Variants in CCDC7 observed in about 807,000 individuals in gnomAD.
CCDC7 encodes coiled-coil domain-containing protein 7.
CCDC7 carries 183 observed loss-of-function variants against 196.9 expected under a neutral mutation model. That is an observed-to-expected ratio of 0.93 (90% CI 0.82 to 1.05). The LOEUF is 1.05. Ranked by LOEUF, CCDC7 falls within the 50% of genes least tolerant of loss-of-function variation. The probability of loss-of-function intolerance (pLI) is 0.00; values close to 1 mark genes in which losing one functional copy is unlikely to be tolerated. For synonymous variants in CCDC7, 525 were observed against 484.6 expected (o/e 1.08, Z -1.10); for missense variants, 1,540 against 1,482.2 (o/e 1.04, Z -0.64).
chr10:32,590,551 T>G (rs2059690321), intron 18 of CCDC7, among the ~76,000 whole-genome samples: 1 of 152,146 alleles, frequency 6.6e-6, no homozygotes, highest in African/African-American at 2.4e-5. Flanking sequence ...CTATTCTCTG[T>G]TTTTCTATCT....
intron 18 of CCDC7, among the ~76,000 whole-genome samples, chr10:32,624,982 A>G (rs2063813146): frequency 8.9e-6 from 1 of 112,750 alleles, no homozygotes; most frequent in Non-Finnish European, 1.9e-5. Flanking sequence ...TGCTTTGCAC[A>G]AGTTTTTTTT....
chr10:32,484,717 A>G (rs1246130542), intron 8 of CCDC7, among the ~76,000 whole-genome samples: 1 of 152,110 alleles, frequency 6.6e-6, no homozygotes, highest in East Asian at 1.9e-4. Flanking sequence ...AGCGCTGTTG[A>G]ATTTTGTCAA....
intron 8 of CCDC7, among the ~76,000 whole-genome samples, chr10:32,483,267 T>C (rs1186040172): frequency 6.6e-6 from 1 of 152,392 alleles, no homozygotes; most frequent in South Asian, 2.1e-4. Flanking sequence ...GAGCATTTTT[T>C]CATGTGTCTT....
At chr10:32,593,783 G>C (rs539724141) in intron 18 of CCDC7, among the ~76,000 whole-genome samples, 16 of 152,110 alleles carry the variant, frequency 1.1e-4, no homozygotes, top group South Asian at 2.1e-4. Flanking sequence ...CCAGTTTTCC[G>C]AGCACCATTT....
intron 21 of CCDC7, among the ~76,000 whole-genome samples, chr10:32,672,084 G>T (rs926326275): frequency 1.3e-5 from 2 of 152,160 alleles, no homozygotes; most frequent in Non-Finnish European, 2.9e-5. Flanking sequence ...AGTGGCTGCA[G>T]AACTGAGATG....
At chr10:32,874,795 C>A (rs539041848) in intron 41 of CCDC7, among the ~76,000 whole-genome samples, 16 of 150,798 alleles carry the variant, frequency 1.1e-4, no homozygotes, top group Admixed American at 1.0e-3. Context: ...TATATACACA[C>A]ATATATATAC....
intron 39 of CCDC7, among the ~76,000 whole-genome samples, chr10:32,849,258 G>T (rs924337326): frequency 6.6e-6 from 1 of 151,792 alleles, no homozygotes; most frequent in South Asian, 2.1e-4. Context: ...TAACCACTTA[G>T]GTAACTGATG....
At chr10:32,706,033 A>G (rs2079680675) in intron 24 of CCDC7, among the ~76,000 whole-genome samples, 2 of 152,250 alleles carry the variant, frequency 1.3e-5, no homozygotes, top group East Asian at 1.9e-4. Flanking sequence ...TCAGCACCAC[A>G]TCGCACTTAT....
At chr10:32,452,598 C>T (rs1327258768) in intron 1 of CCDC7, among the ~76,000 whole-genome samples, 1 of 152,208 alleles carries the variant, frequency 6.6e-6, no homozygotes, top group African/African-American at 2.4e-5. Context: ...GCTGGGACTA[C>T]AGGAGCATGC....
chr10:32,715,304 G>A (rs555652460), intron 25 of CCDC7, among the ~76,000 whole-genome samples: 1 of 152,316 alleles, frequency 6.6e-6, no homozygotes, highest in South Asian at 2.1e-4. Flanking sequence ...TGCAGAAGAG[G>A]GGCCGGACTG....
intron 37 of CCDC7, among the ~76,000 whole-genome samples, chr10:32,847,246 G>A (rs1215829776): frequency 1.3e-5 from 2 of 152,118 alleles, no homozygotes; most frequent in African/African-American, 2.4e-5. Context: ...CCCAGATAGA[G>A]GAGGAGGAAA....
intron 28 of CCDC7, among the ~76,000 whole-genome samples, chr10:32,764,665 C>A (rs929254901): frequency 6.6e-6 from 1 of 151,984 alleles, no homozygotes; most frequent in Non-Finnish European, 1.5e-5. Context: ...GATCTGCTCA[C>A]CCATCTTAGG....
chr10:32,756,641 G>C lies in CCDC7; in HGVS notation c.2906-22336G>C, dbSNP rs377434722. Among the ~76,000 whole-genome samples the C allele has an allele frequency of 7.9e-5, 12 of 152,242 alleles. No individual in the cohort carries two copies. In the East Asian group the frequency reaches 9.6e-4, roughly 12 times the overall value. ...AAGGAACAACTGGTACCAGCCACTG[G>C]AAAAACATGCCAAATTGTAAAGACC... On this transcript the variant is annotated intron_variant, in intron 28 of 41. Coordinates refer to ENST00000639629, the Ensembl canonical transcript of CCDC7.
At chr10:32,842,362 T>C (rs1302141031) in intron 33 of CCDC7, among the ~76,000 whole-genome samples, 2 of 152,098 alleles carry the variant, frequency 1.3e-5, no homozygotes. Context: ...TCACTCATTA[T>C]CAGGGATATG....
intron 28 of CCDC7, among the ~76,000 whole-genome samples, chr10:32,767,223 C>A (rs551494158): frequency 6.6e-6 from 1 of 152,040 alleles, no homozygotes; most frequent in Non-Finnish European, 1.5e-5. Flanking sequence ...GACACATATG[C>A]ACACCATATT....
rs2071745529 is a variant in CCDC7 at position 32,662,672 on chromosome 10, C to T, written c.2015-1382C>T. Among the ~76,000 whole-genome samples, 3 of 152,160 alleles carry T rather than the reference C, an allele frequency of 2.0e-5. No homozygotes were observed. In the South Asian group the frequency reaches 6.2e-4, roughly 32 times the overall value. ...GAGTGAGTGCCCAGTTACATTTTTA[C>T]ATCACTCTGACTGCTAATGAAATAC... On this transcript the variant is annotated intron_variant, in intron 20 of 41. Coordinates refer to ENST00000639629, the Ensembl canonical transcript of CCDC7.
chr10:32,838,390 T>G (rs2092765528), intron 33 of CCDC7, among the ~76,000 whole-genome samples: 1 of 151,940 alleles, frequency 6.6e-6, no homozygotes, highest in Non-Finnish European at 1.5e-5. Flanking sequence ...AGAAAGAACT[T>G]CAGAGCTCGA....
At chr10:32,691,605 T>C (rs759440914) in intron 23 of CCDC7, among the ~76,000 whole-genome samples, 2 of 152,206 alleles carry the variant, frequency 1.3e-5, no homozygotes, top group African/African-American at 4.8e-5. Context: ...AAACTAGACA[T>C]CTAAATCTGG....
In CCDC7 at chr10:32,775,581, G is replaced by A. The variant is rs7906025; in HGVS notation, c.2906-3396G>A. Among the ~76,000 whole-genome samples, 1,070 of 152,140 alleles carry A rather than the reference G, an allele frequency of 7.0e-3. 13 individuals are homozygous for A. The highest frequency in any genetic ancestry group is 0.025 in the African/African-American group (1,021 of 41,522). ...CCTATATACTATATAATCCAAAATT[G>A]CTTTTCCATGGTCCTAGATCATAGA... On this transcript the variant is annotated intron_variant, in intron 28 of 41. Transcript: ENST00000639629.
Sources: allele counts gnomAD v4.1 joint callset (sites outside exome capture counted in the v4.1 genomes callset), GRCh38; gene constraint gnomAD v4.1.1; transcripts MANE v1.5; gene names NCBI Gene and HGNC (gene_info 2026-07-23, HGNC 2026-07-21).